Variants in RBMS3 observed in about 807,000 individuals in gnomAD.
RBMS3 encodes RNA binding motif single stranded interacting protein 3, also known as RNA-binding motif, single-stranded-interacting protein 3.
RBMS3 carries 27 observed loss-of-function variants against 66.8 expected under a neutral mutation model. The ratio of observed to expected loss-of-function variants is 0.40; its 90% CI spans 0.30 to 0.56. The LOEUF is 0.56. Among genes scored for constraint, RBMS3 ranks in the 20% least tolerant of loss-of-function variants. The pLI, the probability that RBMS3 is intolerant of heterozygous loss-of-function variation, is 0.40. For missense variants in RBMS3, 513 were observed against 549.5 expected (o/e 0.93, Z 0.66); for synonymous variants, 188 against 183.0 (o/e 1.03, Z -0.22).
chr3:29,421,265 A>C (rs2040722424), intron 1 of RBMS3, among the ~76,000 whole-genome samples: 2 of 152,228 alleles, frequency 1.3e-5, no homozygotes, highest in African/African-American at 4.8e-5. Flanking sequence ...ATGTATTACT[A>C]TCCCATTCTT....
intron 3 of RBMS3, among the ~76,000 whole-genome samples, chr3:29,494,121 AAGTT>A (rs372112533): frequency 8.7e-4 from 132 of 152,324 alleles, no homozygotes; most frequent in African/African-American, 3.0e-3. Context: ...TATTGTGTGT[AAGTT>A]AGTCTTTACC....
intron 12 of RBMS3, among the ~76,000 whole-genome samples, chr3:29,972,375 C>A (rs1246144019): frequency 6.6e-6 from 1 of 151,966 alleles, no homozygotes; most frequent in African/African-American, 2.4e-5. Flanking sequence ...TAGCTTTATG[C>A]CCTGTTGTTT....
chr3:29,591,948 A>T (rs1374932336), intron 4 of RBMS3, among the ~76,000 whole-genome samples: 4 of 152,122 alleles, frequency 2.6e-5, no homozygotes, highest in Non-Finnish European at 5.9e-5. Flanking sequence ...ATCACAAAAG[A>T]GACTAAGTGT....
intron 1 of RBMS3, among the ~76,000 whole-genome samples, chr3:29,298,607 TC>T (rs1553628814): frequency 6.6e-6 from 1 of 151,656 alleles, no homozygotes; most frequent in Admixed American, 6.6e-5. Flanking sequence ...ATTTTTTTTT[TC>T]CGGGAAATAT....
chr3:29,890,023 T>C (rs2149589670), intron 8 of RBMS3, among the ~76,000 whole-genome samples: 1 of 151,818 alleles, frequency 6.6e-6, no homozygotes, highest in Non-Finnish European at 1.5e-5. Flanking sequence ...GGACTATGCA[T>C]TGTGTTGTTG....
At chr3:29,423,815 G>A (rs1203817723) in intron 1 of RBMS3, among the ~76,000 whole-genome samples, 1 of 152,166 alleles carries the variant, frequency 6.6e-6, no homozygotes, top group African/African-American at 2.4e-5. Flanking sequence ...GCTAATGACT[G>A]TCAGATTGGA....
At position 29,575,604 on chromosome 3, in the gene RBMS3, T is replaced by C. The variant is rs149091086; in HGVS notation, c.308-11510T>C. On this transcript the variant is annotated intron_variant, in intron 3 of 14. Coordinates refer to ENST00000383767, the MANE Select transcript of RBMS3 (RefSeq NM_001003793.3). The stretch of plus-strand genomic sequence containing the variant: ...CATAAACTTTCTACACATAACTCTT[T>C]CTCTACCTCATGTTTTAAGGCAAAT... 2.2e-4 allele frequency among the ~76,000 whole-genome samples: 34 copies of C among 152,220 alleles called. 1 individual carries two copies. In the East Asian group the frequency reaches 6.4e-3, roughly 29 times the overall value.
chr3:29,394,607 A>G (rs894382679), intron 1 of RBMS3, among the ~76,000 whole-genome samples: 14 of 152,192 alleles, frequency 9.2e-5, no homozygotes, highest in African/African-American at 3.4e-4. Flanking sequence ...AAAAGTATTA[A>G]TTTGGGGAAC....
At chr3:29,944,156 A>C (rs1161397550) in intron 11 of RBMS3, 51 bp from the exon 12 acceptor site, 2 of 1,501,258 alleles carry the variant, frequency 1.3e-6, no homozygotes, top group East Asian at 4.5e-5. Context: ...ATTCTATTTT[A>C]TTTTCTTTTG....
At chr3:29,451,950 GAAA>G (rs1325562806) in intron 2 of RBMS3, among the ~76,000 whole-genome samples, 2 of 152,114 alleles carry the variant, frequency 1.3e-5, no homozygotes, top group African/African-American at 2.4e-5. Context: ...TGTTTCCCCT[GAAA>G]AGAGGAGGAA....
chr3:29,907,993 A>G (rs2060423323), intron 10 of RBMS3, among the ~76,000 whole-genome samples: 1 of 152,022 alleles, frequency 6.6e-6, no homozygotes, highest in South Asian at 2.1e-4. Context: ...CAAGCCTGTA[A>G]CCCCAGCACT....
At chr3:29,992,338 G>A (rs1389889414) in intron 14 of RBMS3, among the ~76,000 whole-genome samples, 1 of 152,172 alleles carries the variant, frequency 6.6e-6, no homozygotes, top group Admixed American at 6.5e-5. Context: ...TGTAATCCCA[G>A]CACTATGGGA....
intron 1 of RBMS3, among the ~76,000 whole-genome samples, chr3:29,325,947 C>T (rs1200106662): frequency 2.6e-5 from 4 of 152,096 alleles, no homozygotes; most frequent in Non-Finnish European, 5.9e-5. Context: ...TCATTAATTT[C>T]CCCAGGTCAC....
chr3:29,840,794 T>C (rs1242849239), intron 6 of RBMS3, among the ~76,000 whole-genome samples: 2 of 152,028 alleles, frequency 1.3e-5, no homozygotes, highest in Non-Finnish European at 2.9e-5. Flanking sequence ...TCAGGTTTTT[T>C]TTCTATTACA....
intron 4 of RBMS3, among the ~76,000 whole-genome samples, chr3:29,644,751 T>C (rs2049854075): frequency 6.6e-6 from 1 of 152,266 alleles, no homozygotes; most frequent in South Asian, 2.1e-4. Flanking sequence ...CAGGCGAAAG[T>C]AGGATTATAG....
chr3:29,299,657 G>A (rs1239026935), intron 1 of RBMS3, among the ~76,000 whole-genome samples: 3 of 151,736 alleles, frequency 2.0e-5, no homozygotes, highest in African/African-American at 4.8e-5. Flanking sequence ...TATTTATATA[G>A]CATTTACACT....
intron 1 of RBMS3, among the ~76,000 whole-genome samples, chr3:29,413,010 G>T (rs1244249949): frequency 8.5e-5 from 13 of 152,144 alleles, no homozygotes. Flanking sequence ...AGGTTAGACG[G>T]CACTGAAAAG....
chr3:29,633,301 G>C (rs1397356125), intron 4 of RBMS3, among the ~76,000 whole-genome samples: 1 of 151,698 alleles, frequency 6.6e-6, no homozygotes, highest in African/African-American at 2.4e-5. Context: ...GTAGAATTTG[G>C]TTTTGTTTTA....
intron 3 of RBMS3, among the ~76,000 whole-genome samples, chr3:29,530,322 A>G (rs1447933656): frequency 6.6e-6 from 1 of 152,202 alleles, no homozygotes; most frequent in African/African-American, 2.4e-5. Context: ...AATATAAACC[A>G]AATTTAGAAT....
Sources: allele counts gnomAD v4.1 joint callset (sites outside exome capture counted in the v4.1 genomes callset), GRCh38; gene constraint gnomAD v4.1.1; transcripts MANE v1.5; gene names NCBI Gene and HGNC (gene_info 2026-07-23, HGNC 2026-07-21).